MYH15: variants seen among roughly 807,000 people sequenced by gnomAD.
The protein encoded by MYH15 is myosin heavy chain 15, also known as myosin-15.
Under a neutral mutation model 240.5 loss-of-function variants are expected in MYH15, and 227 were observed. The ratio of observed to expected loss-of-function variants is 0.94; its 90% confidence interval spans 0.85 to 1.05. MYH15 has a LOEUF of 1.05. Ranked by LOEUF, MYH15 falls within the 50% of genes least tolerant of loss-of-function variation. The pLI, the probability that MYH15 is intolerant of heterozygous loss-of-function variation, is 0.00. For synonymous variants in MYH15, 785 were observed against 796.7 expected (o/e 0.99, Z 0.25); for missense variants, 2,217 against 2,247.5 (o/e 0.99, Z 0.27).
intron 14 of MYH15, among the ~76,000 whole-genome samples, chr3:108,467,117 A>C (rs2083125701): frequency 6.6e-6 from 1 of 151,978 alleles, no homozygotes; most frequent in Admixed American, 6.6e-5. Context: ...GGCCCTCAGC[A>C]CATTTCTGCT....
chr3:108,455,632 G>C, intron 20 of MYH15, 104 bp downstream of exon 20: 1 of 1,288,826 alleles, frequency 7.8e-7, no homozygotes, highest in Non-Finnish European at 1.1e-6. Context: ...TTATGGTCAT[G>C]AGAGCTGAAG....
chr3:108,437,753 C>A, intron 24 of MYH15, 54 bp from the exon 25 acceptor site: 1 of 1,538,686 alleles, frequency 6.5e-7, no homozygotes, highest in Non-Finnish European at 8.7e-7. Context: ...TTATACTTCA[C>A]TAGATGTGTT....
At chr3:108,419,457 C>T (rs552026897) in intron 28 of MYH15, among the ~76,000 whole-genome samples, 1 of 152,284 alleles carries the variant, frequency 6.6e-6, no homozygotes, top group African/African-American at 2.4e-5. Context: ...AAAATTAATG[C>T]CAATAACTAG....
intron 36 of MYH15, 27 bp downstream of exon 36, chr3:108,394,004 G>C (rs781107229): frequency 3.7e-6 from 6 of 1,612,942 alleles, no homozygotes; most frequent in Non-Finnish European, 4.2e-6. Context: ...TGGGAGACAG[G>C]ATTGAGTACG....
chr3:108,446,844 A>G lies in MYH15; in HGVS notation c.2400-1949T>C, dbSNP rs142398236. 6.7e-3 allele frequency among the ~76,000 whole-genome samples: 1,026 copies of G among 152,298 alleles called. 11 individuals carry two copies. The highest frequency in any genetic ancestry group is 0.02 in the African/African-American group (823 of 41,566). ...ATAATAAACATGAAGAATCAGGAAC[A>G]CACAAAAGAATAAAAAGAATAAAAT... On this transcript the variant is annotated intron_variant, in intron 21 of 40. Coordinates refer to ENST00000693548, the MANE Select transcript of MYH15 (RefSeq NM_014981.3).
chr3:108,459,056 C>T (rs975391143), intron 18 of MYH15, among the ~76,000 whole-genome samples: 9 of 151,986 alleles, frequency 5.9e-5, no homozygotes, highest in Admixed American at 5.9e-4. Flanking sequence ...ATAGTTTGTC[C>T]TTGTAGACAA....
chr3:108,444,000 G>T, intron 22 of MYH15, among the ~76,000 whole-genome samples: 1 of 41,132 alleles, frequency 2.4e-5, no homozygotes, highest in African/African-American at 1.1e-4. Flanking sequence ...GACTGTTGTG[G>T]GGTGGGGGAG....
chr3:108,429,015 G>T, intron 26 of MYH15, 134 bp from the exon 27 acceptor site: 1 of 944,920 alleles, frequency 1.1e-6, no homozygotes, highest in Non-Finnish European at 1.5e-6. Context: ...ATACACAGAA[G>T]TTAAGTGATT....
At chr3:108,540,768 A>T in the MYH15 span, among the ~76,000 whole-genome samples, 1 of 152,092 alleles carries the variant, frequency 6.6e-6, no homozygotes. Context: ...TCATCATATT[A>T]AAAAAATGAT....
chr3:108,424,683 C>T (rs1328624095), intron 27 of MYH15, among the ~76,000 whole-genome samples: 1 of 152,224 alleles, frequency 6.6e-6, no homozygotes, highest in Admixed American at 6.5e-5. Context: ...ATGCTTCAGT[C>T]TCCACTGTAC....
chr3:108,435,081 A>G (rs972577379), intron 25 of MYH15, among the ~76,000 whole-genome samples: 1 of 151,920 alleles, frequency 6.6e-6, no homozygotes, highest in Non-Finnish European at 1.5e-5. Flanking sequence ...TGAGTTATAG[A>G]TTTTCCTTGG....
intron 40 of MYH15, among the ~76,000 whole-genome samples, chr3:108,382,562 C>A (rs1281064857): frequency 6.6e-6 from 1 of 152,060 alleles, no homozygotes; most frequent in Non-Finnish European, 1.5e-5. Flanking sequence ...GATGGATCGG[C>A]TCAAAATTTG....
chr3:108,534,465 A>T, the MYH15 span, among the ~76,000 whole-genome samples: 1 of 152,202 alleles, frequency 6.6e-6, no homozygotes, highest in African/African-American at 2.4e-5. Flanking sequence ...TTCAGCCAGA[A>T]ACTGGTTTAA....
chr3:108,400,669 C>A (rs976817314), intron 33 of MYH15, among the ~76,000 whole-genome samples: 1 of 152,028 alleles, frequency 6.6e-6, no homozygotes, highest in Non-Finnish European at 1.5e-5. Flanking sequence ...ATTAGCCAGG[C>A]GTGGTGGCAT....
chr3:108,538,163 G>C, the MYH15 span, among the ~76,000 whole-genome samples: 3 of 152,168 alleles, frequency 2.0e-5, no homozygotes, highest in Non-Finnish European at 4.4e-5. Flanking sequence ...TGTGTATTGT[G>C]TGGGATCATT....
At chr3:108,388,560 C>T (rs1398479828) in intron 38 of MYH15, among the ~76,000 whole-genome samples, 1 of 152,072 alleles carries the variant, frequency 6.6e-6, no homozygotes, top group Admixed American at 6.6e-5. Flanking sequence ...AAATGCCCCC[C>T]GCTGCAATTG....
At chr3:108,506,544 T>C (rs1325768100) in intron 1 of MYH15, among the ~76,000 whole-genome samples, 1 of 152,156 alleles carries the variant, frequency 6.6e-6, no homozygotes, top group Non-Finnish European at 1.5e-5. Context: ...GCAGCTTCTC[T>C]TTCTCTCCCA....
chr3:108,406,761 T>C (rs1054211914), intron 32 of MYH15, among the ~76,000 whole-genome samples: 4 of 152,202 alleles, frequency 2.6e-5, no homozygotes, highest in African/African-American at 9.7e-5. Context: ...GAATAGAATG[T>C]GTTGCCATCT....
chr3:108,511,358 G>T (rs2083521497), upstream of MYH15, among the ~76,000 whole-genome samples: 1 of 152,168 alleles, frequency 6.6e-6, no homozygotes, highest in Non-Finnish European at 1.5e-5. Context: ...CAGGCTGAAG[G>T]TGGCAAGCAG....
Sources: allele counts gnomAD v4.1 joint callset (sites outside exome capture counted in the v4.1 genomes callset), GRCh38; gene constraint gnomAD v4.1.1; transcripts MANE v1.5; gene names NCBI Gene and HGNC (gene_info 2026-07-23, HGNC 2026-07-21).